SLC12A6: variants seen among roughly 807,000 people sequenced by gnomAD.
SLC12A6 encodes the protein K-Cl cotransporter 3.
A neutral mutation model predicts 135.3 loss-of-function variants in SLC12A6; 66 were observed. The ratio of observed to expected loss-of-function variants is 0.49; its 90% CI spans 0.40 to 0.60. The LOEUF (loss-of-function observed/expected upper bound fraction) is 0.60. SLC12A6 is among the 20% of genes least tolerant of loss of function. SLC12A6 has a pLI of 0.00. For synonymous variants in SLC12A6, 513 were observed against 508.8 expected, an observed-to-expected ratio of 1.01 and a Z score of -0.11; for missense variants, 1,058 against 1,452.3, an observed-to-expected ratio of 0.73 and a Z score of 4.41.
intron 2 of SLC12A6, among the ~76,000 whole-genome samples, chr15:34,299,328 T>C (rs1325260735): frequency 3.9e-5 from 6 of 152,252 alleles, no homozygotes; most frequent in African/African-American, 1.4e-4. Context: ...TCTCAACTGT[T>C]GGGTATAAGC....
At chr15:34,328,982 T>A (rs969472837) in intron 2 of SLC12A6, among the ~76,000 whole-genome samples, 2 of 152,238 alleles carry the variant, frequency 1.3e-5, no homozygotes, top group African/African-American at 4.8e-5. Flanking sequence ...CACATACTTG[T>A]AAAACTTATA....
At chr15:34,260,281 C>T (rs1350147003) in intron 4 of SLC12A6, among the ~76,000 whole-genome samples, 9 of 152,256 alleles carry the variant, frequency 5.9e-5, no homozygotes, top group South Asian at 2.1e-4. Context: ...TTTTTGGAGA[C>T]GGAGTCTTGC....
Position 34,255,246 on chromosome 15 carries a change from T to C in SLC12A6, c.876+16A>G. ...ATTTCTTCTATATTATAGACCACAA[T>C]GAAGTCATTACTTACCAGAAAGATT... On this transcript the variant is annotated intron_variant, in intron 8 of 25. Coordinates refer to ENST00000354181, the MANE Select transcript of SLC12A6 (RefSeq NM_001365088.1). The C allele has an allele frequency of 1.3e-6, 2 of 1,568,424 alleles. No homozygotes were observed. The highest frequency in any genetic ancestry group is 1.3e-5 in the African/African-American group (1 of 74,166).
chr15:34,301,172 T>C (rs768646688), intron 2 of SLC12A6, among the ~76,000 whole-genome samples: 2 of 152,092 alleles, frequency 1.3e-5, no homozygotes, highest in Non-Finnish European at 2.9e-5. Flanking sequence ...TTTCACCATG[T>C]CGGTCAGGCT....
At position 34,243,942 on chromosome 15, in the gene SLC12A6, G is replaced by T. The variant is rs79436830; in HGVS notation, c.2042+32C>A. The T allele has an allele frequency of 0.039, 49,596 of 1,272,076 alleles. 1,194 individuals carry two copies. The highest frequency in any genetic ancestry group is 0.11 in the Middle Eastern group (602 of 5,388). The allele number at this position is 1,272,076 out of a possible 1,614,324, so 78.8% of individuals were successfully genotyped here. On this transcript the variant is annotated intron_variant, in intron 16 of 25. Transcript: ENST00000354181. The stretch of plus-strand genomic sequence containing the variant: ...GTTCAAAGATGGGTTCTCTCCAAAC[G>T]TGAGTAAAAAGAATAAAAGAAGCAG...
At chr15:34,315,542 CAT>C (rs773665002) in intron 2 of SLC12A6, among the ~76,000 whole-genome samples, 2 of 151,944 alleles carry the variant, frequency 1.3e-5, no homozygotes, top group Non-Finnish European at 2.9e-5. Flanking sequence ...GCCTGAGTAA[CAT>C]AGCAAAATCC....
chr15:34,264,578 G>T (rs568090427), intron 3 of SLC12A6, among the ~76,000 whole-genome samples: 1 of 152,270 alleles, frequency 6.6e-6, no homozygotes, highest in African/African-American at 2.4e-5. Context: ...AATTGCAAAT[G>T]AACATTGTTA....
chr15:34,238,425 G>A (rs750307244), intron 20 of SLC12A6, 24 bp from the exon 21 acceptor site: 6 of 1,594,888 alleles, frequency 3.8e-6, no homozygotes, highest in Non-Finnish European at 5.2e-6. Flanking sequence ...AGAATAAGCA[G>A]AGAAGAATCC....
intron 2 of SLC12A6, among the ~76,000 whole-genome samples, chr15:34,320,675 G>T (rs1010876867): frequency 6.6e-6 from 1 of 151,304 alleles, no homozygotes; most frequent in East Asian, 1.9e-4. Flanking sequence ...CCAGCACTTT[G>T]GGAGGCCGAG....
intron 2 of SLC12A6, among the ~76,000 whole-genome samples, chr15:34,323,940 CA>C (rs144461318): frequency 7.6e-5 from 10 of 130,870 alleles, no homozygotes; most frequent in Non-Finnish European, 9.7e-5. Flanking sequence ...GATCTTGTCT[CA>C]AAAAAAAAAG....
chr15:34,236,267 T>G, intron 23 of SLC12A6, 68 bp from the exon 24 acceptor site: 2 of 1,202,598 alleles, frequency 1.7e-6, no homozygotes, highest in Non-Finnish European at 2.5e-6. Flanking sequence ...TTGGTTATTT[T>G]GAAGCAGTAA....
intron 2 of SLC12A6, among the ~76,000 whole-genome samples, chr15:34,313,602 G>A (rs1158408265): frequency 6.6e-6 from 1 of 152,186 alleles, no homozygotes; most frequent in Non-Finnish European, 1.5e-5. Context: ...CAATGATGAA[G>A]GTGGCTTCAT....
chr15:34,247,000 T>C (rs982316549), intron 13 of SLC12A6, among the ~76,000 whole-genome samples: 1 of 152,172 alleles, frequency 6.6e-6, no homozygotes, highest in African/African-American at 2.4e-5. Context: ...GGGATCAATA[T>C]CTTAAAACAT....
chr15:34,238,986 G>A lies in SLC12A6; in HGVS notation c.2611C>T (p.Arg871Cys), dbSNP rs776650634. ...GTACCAATAAAAGTCTTCCAAGCGC[G>A]GGCATCTTCGCTTTGACGCCAGCCA... ...PNGWRQSEDA[R>C]AWKTFIGTVR... The change falls in exon 20 of 26, where the codon CGC (arginine) becomes TGC (cysteine). Residue 871 changes from arginine to cysteine, a missense_variant. Physicochemically the swap from Arg to Cys is radical, Grantham distance 180. Transcript: ENST00000354181. 15 of 1,613,984 alleles carry A rather than the reference G, an allele frequency of 9.3e-6. No homozygotes were observed. In the East Asian group the frequency reaches 1.1e-4, roughly 12 times the overall value.
Position 34,296,677 on chromosome 15 carries a change from G to A in SLC12A6, c.272-21288C>T, listed in dbSNP as rs527900719. Among the ~76,000 whole-genome samples, 9 of 152,266 alleles carry A rather than the reference G, an allele frequency of 5.9e-5. No individual in the cohort carries two copies. In the East Asian group the frequency reaches 7.7e-4, roughly 13 times the overall value. On this transcript the variant is annotated intron_variant, in intron 2 of 25. Transcript: ENST00000354181. ...TGACCACAGATGGCCATATCGATGC[G>A]TTGCTAATGCAGCAGAGTTCACAAA...
At chr15:34,245,236 T>C in intron 15 of SLC12A6, 49 bp downstream of exon 15, 1 of 995,568 alleles carries the variant, frequency 1.0e-6, no homozygotes, top group Non-Finnish European at 1.6e-6. Context: ...TAAACATGCA[T>C]TATTTATCAT....
At chr15:34,295,748 C>T (rs1895835684) in intron 2 of SLC12A6, among the ~76,000 whole-genome samples, 1 of 152,120 alleles carries the variant, frequency 6.6e-6, no homozygotes, top group Non-Finnish European at 1.5e-5. Context: ...CCTGTAATCC[C>T]AGCACTTTGG....
At chr15:34,235,402 C>A in intron 24 of SLC12A6, 88 bp from the exon 25 acceptor site, 1 of 967,936 alleles carries the variant, frequency 1.0e-6, no homozygotes, top group Non-Finnish European at 1.6e-6. Context: ...TGAGCTTTTT[C>A]ACTTGACTAT....
rs763178361 is a variant in SLC12A6, at chr15:34,229,872, TTAAAC to T, written c.*4004_*4008del. 3.1e-5 allele frequency: 39 copies of T among 1,258,440 alleles called. No homozygotes were observed. Among genetic ancestry groups the T allele is most frequent in the Admixed American group, 5.1e-5 (3 of 58,696 alleles). 78.0% of individuals were successfully genotyped at this position (1,258,440 alleles called of 1,614,324 possible). On this transcript the variant is annotated 3_prime_UTR_variant, in exon 26 of 26. Transcript: ENST00000354181. Reference sequence around the variant, plus strand: ...AGCCCAGTGGCTCCTCAGCATACTCTTAAACTAATCACTTATGTTAAAAAGAACCA... The same window carrying T: ...AGCCCAGTGGCTCCTCAGCATACTCTTAATCACTTATGTTAAAAAGAACCA...
Sources: gnomAD v4.1 joint callset for allele counts (sites outside exome capture counted in the v4.1 genomes callset) on GRCh38, gnomAD v4.1.1 for gene constraint, MANE v1.5 for transcripts, NCBI Gene and HGNC (gene_info 2026-07-23, HGNC 2026-07-21) for gene names.